The following BAG6 variants were observed in gnomAD, a reference collection of about 807,000 sequenced individuals.
BAG6 encodes the protein BAG cochaperone 6.
BAG6 carries 22 observed loss-of-function variants against 121.0 expected under a neutral mutation model. The observed-to-expected ratio is 0.18, with a 90% CI of 0.13 to 0.26. The LOEUF (loss-of-function observed/expected upper bound fraction) is 0.26, where lower values mean the gene tolerates loss of function less well. BAG6 is among the 10% of genes least tolerant of loss of function. BAG6 has a pLI of 1.00. For missense variants in BAG6, 1,233 were observed against 1,537.7 expected (o/e 0.80, Z 3.31); for synonymous variants, 583 against 584.6 (o/e 1.00, Z 0.04).
intron 2 of BAG6, among the ~76,000 whole-genome samples, chr6:31,650,232 G>A (rs759825559): frequency 6.6e-6 from 1 of 151,796 alleles, no homozygotes; most frequent in Non-Finnish European, 1.5e-5. Flanking sequence ...TGTGTCTAGA[G>A]ACATCAGTGA....
chr6:31,652,198 C>G (rs941989726), intron 1 of BAG6: 3 of 187,530 alleles, frequency 1.6e-5, no homozygotes, highest in African/African-American at 6.9e-5. Context: ...GCCCATCGAA[C>G]CCTCCTAACT....
At position 31,644,223 on chromosome 6, in the gene BAG6, G is replaced by A; in HGVS notation, c.1556-29C>T. On this transcript the variant is annotated intron_variant, in intron 12 of 25. Coordinates refer to ENST00000676615, the MANE Select transcript of BAG6 (RefSeq NM_001387994.1). The surrounding 1 kb of genome is among the most constrained non-coding windows in gnomAD (Gnocchi z 4.9). ...TGGGTGGCAGAAGAGACAGACCGAA[G>A]AGGGCTGAGGGCCAGGCCCTTGCCA... 1.3e-6 allele frequency: 2 copies of A among 1,597,870 alleles called. No homozygotes were observed. The highest frequency in any genetic ancestry group is 1.7e-6 in the Non-Finnish European group (2 of 1,172,594).
chr6:31,646,093 C>A (rs1788877067), intron 8 of BAG6, among the ~76,000 whole-genome samples: 1 of 152,220 alleles, frequency 6.6e-6, no homozygotes, highest in South Asian at 2.1e-4. Flanking sequence ...TCTAGCGATT[C>A]TCCTGCCTCA....
rs754289669 is a variant in BAG6, at chr6:31,651,779, AAAG to A, written c.-13-6_-13-4del. ...TAGGCTCCATGGCCGACAGGTCTCT[AAAG>A]AAGAACGAAGGAAGGAAGGCCCGCT... On this transcript the variant is annotated splice_region_variant and splice_polypyrimidine_tract_variant and intron_variant, in intron 1 of 25. Coordinates refer to ENST00000676615, the MANE Select transcript of BAG6 (RefSeq NM_001387994.1). 8 of 1,610,822 alleles carry A rather than the reference AAAG, an allele frequency of 5.0e-6. No homozygotes were observed. In the Admixed American group the frequency reaches 8.3e-5, roughly 17 times the overall value.
chr6:31,639,356 C>G, intron 25 of BAG6, 130 bp from the exon 26 acceptor site: 2 of 1,455,820 alleles, frequency 1.4e-6, no homozygotes, highest in South Asian at 2.5e-5. Flanking sequence ...CCCGGGGTGG[C>G]ACTGTCAAGC....
In BAG6 at chr6:31,639,576, G is replaced by A; in HGVS notation, c.3317C>T (p.Ala1106Val). The change falls in exon 25 of 26, where the codon GCT (alanine) becomes GTT (valine). Residue 1106 changes from alanine (A) to valine (V), a missense_variant. By Grantham distance (64) the Ala-to-Val change is moderately conservative. Transcript: ENST00000676615. ...AVSRAAKAAGARPLTSPESLS... is the reference protein window; with the variant it reads ...AVSRAAKAAGVRPLTSPESLS... ...GCTCTCGGGGCTCGTCAGGGGCCGA[G>A]CTCCGGCTGCCTTAGCTGCCCGGCT... 1.2e-6 allele frequency: 2 copies of A among 1,614,080 alleles called. No individual in the cohort carries two copies. Among genetic ancestry groups the A allele is most frequent in the Non-Finnish European group, 1.7e-6 (2 of 1,179,962 alleles).
In BAG6 at chr6:31,647,937, T is replaced by A. The variant is rs576998253; in HGVS notation, c.553-111A>T. ...ATCCTAACTAGACTCCCTGAAGGCATGGCTCTGCAATTTTATCTCCGACTC... is the reference window on the plus strand; with the variant it reads ...ATCCTAACTAGACTCCCTGAAGGCAAGGCTCTGCAATTTTATCTCCGACTC... On this transcript the variant is annotated intron_variant, in intron 6 of 25. Coordinates refer to ENST00000676615, the MANE Select transcript of BAG6 (RefSeq NM_001387994.1). 2.2e-6 allele frequency: 3 copies of A among 1,356,578 alleles called. No homozygotes were observed. In the Admixed American group the frequency reaches 1.0e-4, roughly 47 times the overall value. The allele number at this position is 1,356,578 out of a possible 1,614,324, so 84.0% of individuals were successfully genotyped here. A position where few individuals can be genotyped will look rare whatever the true frequency, so the allele number is the denominator to read the frequency against.
In BAG6 at chr6:31,639,529, G is replaced by A. The variant is rs1415041698; in HGVS notation, c.3364C>T (p.Pro1122Ser). 4 of 1,614,106 alleles carry A rather than the reference G, an allele frequency of 2.5e-6. No homozygotes were observed. In the South Asian group the frequency reaches 3.3e-5, roughly 13 times the overall value. Residue 1122 changes from proline (P) to serine (S), a missense_variant, in exon 25 of 26, where the codon CCA becomes TCA. Transcript: ENST00000676615. ...PESLSRDLEA[P>S]EVQESYRQQL... ...TGCCTGTAGCTCTCCTGAACCTCTG[G>A]TGCCTCCAGGTCCCGGCTCAGGCTC...
chr6:31,650,070 T>C (rs896496450), intron 2 of BAG6, among the ~76,000 whole-genome samples: 1 of 151,816 alleles, frequency 6.6e-6, no homozygotes, highest in African/African-American at 2.4e-5. Flanking sequence ...CACTACACTC[T>C]AGCCTGGGTG....
chr6:31,652,561 T>G lies in BAG6; in HGVS notation c.-151A>C, dbSNP rs1173722269. 1 of 152,322 alleles carries G rather than the reference T, an allele frequency of 6.6e-6. No homozygotes were observed. The highest frequency in any genetic ancestry group is 1.5e-5 in the Non-Finnish European group (1 of 68,070). The allele number at this position is 152,322 out of a possible 1,614,324, so 9.4% of individuals were successfully genotyped here. A position where few individuals can be genotyped will look rare whatever the true frequency, so the allele number is the denominator to read the frequency against. On this transcript the variant is annotated 5_prime_UTR_variant, in exon 1 of 26. Coordinates refer to ENST00000676615, the MANE Select transcript of BAG6 (RefSeq NM_001387994.1). Reference sequence around the variant, plus strand: ...TCCGCAGCCCCAAACAGTGAGTTTCTGAGGGCGAGTCGGGCCGGGGCCGGC... The same window carrying G: ...TCCGCAGCCCCAAACAGTGAGTTTCGGAGGGCGAGTCGGGCCGGGGCCGGC...
chr6:31,652,494 C>G lies in BAG6; in HGVS notation c.-84G>C, dbSNP rs1283513283. Reference sequence around the variant, plus strand: ...CTCGAAGCGATACTTCCGGCTCCCCCCAGGTCCCCAAGCTTTACTTTTGTG... The same window carrying G: ...CTCGAAGCGATACTTCCGGCTCCCCGCAGGTCCCCAAGCTTTACTTTTGTG... On this transcript the variant is annotated 5_prime_UTR_variant, in exon 1 of 26. Transcript: ENST00000676615. 1 of 152,360 alleles carries G rather than the reference C, an allele frequency of 6.6e-6. No homozygotes were observed. The highest frequency in any genetic ancestry group is 6.5e-5 in the Admixed American group (1 of 15,280). 9.4% of individuals were successfully genotyped at this position (152,360 alleles called of 1,614,324 possible). A position where few individuals can be genotyped will look rare whatever the true frequency, so the allele number is the denominator to read the frequency against.
Position 31,639,144 on chromosome 6 carries a change from G to A in BAG6, c.3476C>T (p.Ala1159Val), listed in dbSNP as rs1180606519. ...TAGAGCAAAGAGCTAAGGATCATCA[G>A]CAAAGGCCCGCTGGGCATTGGGGAA... ...QRFPNAQRAF[A>V]DDP The change falls in exon 26 of 26, where the codon GCT (alanine) becomes GTT (valine). Residue 1159 changes from alanine (A) to valine (V), a missense_variant. By Grantham distance (64) the Ala-to-Val change is moderately conservative. Coordinates refer to ENST00000676615, the MANE Select transcript of BAG6 (RefSeq NM_001387994.1). 1 of 1,613,734 alleles carries A rather than the reference G, an allele frequency of 6.2e-7. No individual in the cohort carries two copies. Among genetic ancestry groups the A allele is most frequent in the African/African-American group, 1.3e-5 (1 of 74,874 alleles).
chr6:31,640,654 A>C lies in BAG6; in HGVS notation c.2985T>G (p.Pro995=), dbSNP rs776415085. 1 of 1,612,980 alleles carries C rather than the reference A, an allele frequency of 6.2e-7. No homozygotes were observed. The highest frequency in any genetic ancestry group is 1.1e-5 in the South Asian group (1 of 91,078). ...CCCCTCTCTAGAGTACCTGAGGCTC[A>C]GGGGAAGCTCTTTCTGCTCCCTGAA... The part of the protein sequence containing the change: ...MEVQGAERAS[P]EPQRENASPA... The change falls in exon 22 of 26, where the codon CCT becomes CCG. Residue 995 remains proline, a synonymous_variant. Coordinates refer to ENST00000676615, the MANE Select transcript of BAG6 (RefSeq NM_001387994.1). The surrounding 1 kb of genome is among the most constrained non-coding windows in gnomAD (Gnocchi z 4.2).
At position 31,644,123 on chromosome 6, in the gene BAG6, G is replaced by T. The variant is rs374103275; in HGVS notation, c.1627C>A (p.Arg543=). 1.3e-5 allele frequency: 21 copies of T among 1,614,026 alleles called. No homozygotes were observed. Among genetic ancestry groups the T allele is most frequent in the Non-Finnish European group, 1.8e-5 (21 of 1,179,954 alleles). ...VIARPTPPQA[R]PSHPGGPPVS... The stretch of plus-strand genomic sequence containing the variant: ...GGGGGCCCTCCAGGATGGGAAGGCC[G>T]AGCCTGTGGAGGAGTGGGCCGGGCA... The change falls in exon 13 of 26, where the codon CGG becomes AGG. Residue 543 remains arginine, a synonymous_variant. Transcript: ENST00000676615. This position sits in a 1 kb window ranked among gnomAD's most constrained non-coding sequence, Gnocchi z 4.9.
At chr6:31,650,681 A>AG (rs1409548973) in intron 2 of BAG6, among the ~76,000 whole-genome samples, 1 of 151,578 alleles carries the variant, frequency 6.6e-6, no homozygotes, top group Non-Finnish European at 1.5e-5. Context: ...AAAAAAAAAA[A>AG]GCAAAAAGAG....
chr6:31,643,852 G>A, intron 14 of BAG6, 38 bp downstream of exon 14: 2 of 1,600,618 alleles, frequency 1.2e-6, no homozygotes, highest in Non-Finnish European at 1.7e-6. Context: ...GACTAGGAAA[G>A]GAGTTTAAAC....
At chr6:31,645,362 T>A in intron 9 of BAG6, 45 bp downstream of exon 9, 2 of 1,612,684 alleles carry the variant, frequency 1.2e-6, no homozygotes, top group Non-Finnish European at 1.7e-6. Flanking sequence ...GGTCACTCTA[T>A]CAACACCCCT....
At position 31,641,200 on chromosome 6, in the gene BAG6, C is replaced by G. The variant is rs766371499; in HGVS notation, c.2691G>C (p.Glu897Asp). ...TDSGFGARLL[E>D]LCNQGLFECL... ...ATTCAAACAGGCCTTGGTTACACAACTCCAGCAACCGGGCCCCAAATCCAC... is the reference window on the plus strand; with the variant it reads ...ATTCAAACAGGCCTTGGTTACACAAGTCCAGCAACCGGGCCCCAAATCCAC... The change falls in exon 20 of 26, where the codon GAG becomes GAC. Residue 897 changes from glutamate (E) to aspartate (D), a missense_variant. Coordinates refer to ENST00000676615, the MANE Select transcript of BAG6 (RefSeq NM_001387994.1). The surrounding 1 kb of genome is among the most constrained non-coding windows in gnomAD (Gnocchi z 5.7). 19 of 1,613,924 alleles carry G rather than the reference C, an allele frequency of 1.2e-5. No homozygotes were observed. The highest frequency in any genetic ancestry group is 1.3e-5 in the Non-Finnish European group (15 of 1,180,042).
At chr6:31,639,332 A>G in intron 25 of BAG6, 106 bp from the exon 26 acceptor site, 1 of 1,440,572 alleles carries the variant, frequency 6.9e-7, no homozygotes, top group South Asian at 1.2e-5. Flanking sequence ...CCCCCCAAGC[A>G]CACTGTCAAA....
Sources: gnomAD v4.1 joint callset for allele counts (sites outside exome capture counted in the v4.1 genomes callset) on GRCh38, gnomAD v4.1.1 for gene constraint, Gnocchi (gnomAD v3.1) non-coding constraint, MANE v1.5 for transcripts, NCBI Gene and HGNC (gene_info 2026-07-23, HGNC 2026-07-21) for gene names.